TCOF1: variants seen among roughly 807,000 people sequenced by gnomAD.
TCOF1 encodes treacle protein.
Under a neutral mutation model 149.0 loss-of-function variants are expected in TCOF1, and 33 were observed. The observed-to-expected ratio is 0.22, with a 90% confidence interval of 0.17 to 0.30. The LOEUF is 0.30. Ranked by LOEUF, TCOF1 falls within the 10% of genes least tolerant of loss-of-function variation. TCOF1 has a pLI of 1.00. For synonymous variants in TCOF1, 789 were observed against 738.8 expected, an observed-to-expected ratio of 1.07 and a Z score of -1.10; for missense variants, 1,728 against 1,840.7, an observed-to-expected ratio of 0.94 and a Z score of 1.12.
intron 25 of TCOF1, 146 bp downstream of exon 25, chr5:150,398,597 TGGCAG>T: frequency 7.8e-7 from 1 of 1,277,200 alleles, no homozygotes; most frequent in Non-Finnish European, 1.1e-6. Flanking sequence ...GGGAAGAGGC[TGGCAG>T]GGCATGTTCC....
intron 17 of TCOF1, chr5:150,384,709 T>G (rs774572294): frequency 2.0e-6 from 2 of 985,394 alleles, no homozygotes; most frequent in Non-Finnish European, 2.4e-6. Flanking sequence ...GTCAGCGGTT[T>G]GTACATTCCC....
chr5:150,374,684 A>C lies in TCOF1; in HGVS notation c.1151A>C (p.Lys384Thr). The C allele has an allele frequency of 1.9e-6, 3 of 1,613,696 alleles. No homozygotes were observed. The highest frequency in any genetic ancestry group is 1.7e-6 in the Non-Finnish European group (2 of 1,179,924). Residue 384 changes from lysine (K) to threonine (T), a missense_variant, in exon 9 of 27, where the codon AAA becomes ACA. This residue lies in a region of TCOF1 where 1,696 missense variants were observed against 1,765.4 expected (regional missense o/e 0.96). Transcript: ENST00000643257. Reference sequence around the variant, plus strand: ...GCCCCTGCCAAGGAGTCCCCCAGGAAAGGAGCTGCCCCAGCGCCCCCTGGG... The same window carrying C: ...GCCCCTGCCAAGGAGTCCCCCAGGACAGGAGCTGCCCCAGCGCCCCCTGGG... ...ASAPAKESPR[K>T]GAAPAPPGKT... is the part of the protein sequence containing the mutation.
intron 23 of TCOF1, chr5:150,393,897 ATTAC>A: frequency 2.9e-6 from 1 of 342,902 alleles, no homozygotes. Context: ...TGTAGTCCCA[ATTAC>A]TTGAGAGGCC....
In TCOF1 at chr5:150,372,127, G is replaced by C; in HGVS notation, c.761G>C (p.Gly254Ala). ...GGGGATGTGACACCCCAGGTCAAAG[G>C]AGGGGCCCTGCCCCCAGCCAAGAGG... is the stretch of plus-strand genomic sequence containing the variant. ...KVGDVTPQVK[G>A]GALPPAKRAK... is the part of the protein sequence containing the mutation. The change falls in exon 7 of 27, where the codon GGA becomes GCA. Residue 254 changes from glycine to alanine, a missense_variant. This residue lies in a region of TCOF1 where 1,696 missense variants were observed against 1,765.4 expected (regional missense o/e 0.96). Coordinates refer to ENST00000643257, the MANE Select transcript of TCOF1 (RefSeq NM_001371623.1). The C allele has an allele frequency of 6.2e-7, 1 of 1,614,234 alleles. No individual in the cohort carries two copies. The highest frequency in any genetic ancestry group is 8.5e-7 in the Non-Finnish European group (1 of 1,180,042).
chr5:150,365,484 A>G (rs1761137413), intron 3 of TCOF1, among the ~76,000 whole-genome samples: 1 of 151,792 alleles, frequency 6.6e-6, no homozygotes, highest in Non-Finnish European at 1.5e-5. Flanking sequence ...TTGTTGTCCT[A>G]CCCTGTTCCC....
intron 18 of TCOF1, 144 bp from the exon 19 acceptor site, chr5:150,389,743 G>A (rs1435864877): frequency 6.9e-7 from 1 of 1,456,786 alleles, no homozygotes; most frequent in Non-Finnish European, 9.4e-7. Flanking sequence ...GGCTTGGAGA[G>A]GGAAGTAAAC....
At chr5:150,393,747 C>T (rs2151064052) in intron 23 of TCOF1, 195 bp downstream of exon 23, 1 of 723,698 alleles carries the variant, frequency 1.4e-6, no homozygotes. Context: ...GGTGCAGTGG[C>T]TCATGCCCAT....
chr5:150,384,358 T>C, intron 17 of TCOF1: 1 of 985,616 alleles, frequency 1.0e-6, no homozygotes, highest in South Asian at 4.7e-5. Flanking sequence ...GGAGTGAGGC[T>C]CAGAGAAGTT....
Position 150,372,934 on chromosome 5 carries a change from G to A in TCOF1, c.870+698G>A, listed in dbSNP as rs1290950329. Among the ~76,000 whole-genome samples the A allele has an allele frequency of 2.0e-5, 3 of 152,304 alleles. No individual in the cohort carries two copies. The East Asian group carries it at 5.8e-4, about 29-fold the overall frequency. The stretch of plus-strand genomic sequence containing the variant: ...CAGGCAGGGGCTCAGCAAGTGTCAA[G>A]GCCCTGAGGTAGAAGTAGGACTACG... On this transcript the variant is annotated intron_variant, in intron 7 of 26. Coordinates refer to ENST00000643257, the MANE Select transcript of TCOF1 (RefSeq NM_001371623.1).
At chr5:150,364,356 C>A in intron 3 of TCOF1, 104 bp downstream of exon 3, 2 of 1,538,578 alleles carry the variant, frequency 1.3e-6, no homozygotes, top group Non-Finnish European at 1.8e-6. Flanking sequence ...CTAAAAGACC[C>A]TGGGGAGGAG....
At chr5:150,382,644 G>C (rs930352430) in intron 17 of TCOF1, among the ~76,000 whole-genome samples, 1 of 152,220 alleles carries the variant, frequency 6.6e-6, no homozygotes, top group Non-Finnish European at 1.5e-5. Context: ...AACAGGAGGG[G>C]ATGGTAGCCA....
chr5:150,372,771 C>T (rs1252935420), intron 7 of TCOF1, among the ~76,000 whole-genome samples: 7 of 152,154 alleles, frequency 4.6e-5, no homozygotes, highest in Admixed American at 1.3e-4. Flanking sequence ...AGATCCCCTG[C>T]GTTAGCTGCT....
At position 150,357,711 on chromosome 5, in the gene TCOF1, G is replaced by C; in HGVS notation, c.-36G>C. 2 of 1,530,480 alleles carry C rather than the reference G, an allele frequency of 1.3e-6. No homozygotes were observed. The highest frequency in any genetic ancestry group is 2.4e-5 in the South Asian group (2 of 83,580). The allele number at this position is 1,530,480 out of a possible 1,614,324, so 94.8% of individuals were successfully genotyped here. ...AAGTGGCGGGCGGGGACTAAGGCGG[G>C]GCGTGCAGGTAGCCGGCCGGCCGGG... On this transcript the variant is annotated 5_prime_UTR_variant, in exon 1 of 27. Transcript: ENST00000643257.
At chr5:150,379,490 C>T (rs1341472258) in intron 16 of TCOF1, 42 bp from the exon 17 acceptor site, 5 of 1,613,632 alleles carry the variant, frequency 3.1e-6, no homozygotes, top group East Asian at 2.2e-5. Flanking sequence ...CTCACACGTC[C>T]ACCCTCCAGG....
At chr5:150,391,725 C>A in intron 20 of TCOF1, 68 bp downstream of exon 20, 2 of 1,435,548 alleles carry the variant, frequency 1.4e-6, no homozygotes. Flanking sequence ...CCCTGCATCG[C>A]GGCACCAGCA....
At chr5:150,370,582 C>A (rs1375927967) in intron 6 of TCOF1, among the ~76,000 whole-genome samples, 1 of 152,168 alleles carries the variant, frequency 6.6e-6, no homozygotes, top group East Asian at 1.9e-4. Flanking sequence ...TCTCGAACTC[C>A]TGACCTCAAG....
chr5:150,367,755 T>C, intron 3 of TCOF1, 89 bp from the exon 4 acceptor site: 2 of 1,481,192 alleles, frequency 1.4e-6, no homozygotes, highest in Non-Finnish European at 1.9e-6. Flanking sequence ...CCAATACCAA[T>C]AGAATTGTTA....
intron 25 of TCOF1, 57 bp downstream of exon 25, chr5:150,398,508 C>T (rs1462040527): frequency 3.7e-6 from 6 of 1,612,406 alleles, no homozygotes; most frequent in Admixed American, 1.7e-5. Flanking sequence ...CAAGCCCCCT[C>T]CTACACACCC....
chr5:150,390,788 A>T (rs766417273), intron 19 of TCOF1, among the ~76,000 whole-genome samples: 1 of 152,202 alleles, frequency 6.6e-6, no homozygotes, highest in Non-Finnish European at 1.5e-5. Context: ...CACTGCATCC[A>T]TGAGCATCGG....
Sources: gnomAD v4.1 joint callset for allele counts (sites outside exome capture counted in the v4.1 genomes callset) on GRCh38, gnomAD v4.1.1 for gene constraint, gnomAD v4.1.1 regional missense constraint, MANE v1.5 for transcripts, NCBI Gene and HGNC (gene_info 2026-07-23, HGNC 2026-07-21) for gene names.